DNAH5: variants seen among roughly 807,000 people sequenced by gnomAD.
DNAH5 encodes dynein axonemal heavy chain 5, also known as axonemal beta dynein heavy chain 5.
DNAH5 carries 372 observed loss-of-function variants against 518.2 expected under a neutral mutation model. The observed-to-expected ratio is 0.72, with a 90% CI of 0.66 to 0.78. The LOEUF is 0.78. DNAH5 is among the 30% of genes least tolerant of loss of function. The pLI is 0.00. For missense variants in DNAH5, 5,523 were observed against 5,687.0 expected, an observed-to-expected ratio of 0.97 and a Z score of 0.93; for synonymous variants, 2,039 against 2,025.9, an observed-to-expected ratio of 1.01 and a Z score of -0.17.
At chr5:13,745,940 T>C (rs1395995589) in intron 65 of DNAH5, among the ~76,000 whole-genome samples, 1 of 152,118 alleles carries the variant, frequency 6.6e-6, no homozygotes, top group Non-Finnish European at 1.5e-5. Context: ...TTGGACTGTA[T>C]TTTTTATGAT....
In DNAH5 at chr5:13,862,725, T is replaced by C. The variant is rs1768638629; in HGVS notation, c.4619A>G (p.Lys1540Arg). 1 of 1,613,750 alleles carries C rather than the reference T, an allele frequency of 6.2e-7. No individual in the cohort carries two copies. The highest frequency in any genetic ancestry group is 8.5e-7 in the Non-Finnish European group (1 of 1,179,860). The change falls in exon 29 of 79, where the codon AAA becomes AGA. Residue 1540 changes from lysine to arginine, a missense_variant. Lys to Arg is a conservative substitution (Grantham distance 26). Coordinates refer to ENST00000265104, the MANE Select transcript of DNAH5 (RefSeq NM_001369.3). ...CAGCTTTTGCTCAATGTCTCTCTCT[T>C]TCACCGCACTGATACAGATGTCCTA... ...EIEDICISAV[K>R]ERDIEQKLKQ... is the part of the protein sequence containing the mutation.
At chr5:13,905,637 G>C (rs1775193787) in intron 12 of DNAH5, among the ~76,000 whole-genome samples, 1 of 152,104 alleles carries the variant, frequency 6.6e-6, no homozygotes, top group African/African-American at 2.4e-5. Flanking sequence ...GTGAGGATGT[G>C]GAGCAACAAG....
chr5:13,715,149 G>A (rs1355848308), intron 74 of DNAH5, among the ~76,000 whole-genome samples: 1 of 152,124 alleles, frequency 6.6e-6, no homozygotes, highest in African/African-American at 2.4e-5. Context: ...CAGAGACAGA[G>A]ATGGTGTGGG....
chr5:13,993,469 A>ACCCCAC (rs1783706731), intron 1 of DNAH5, among the ~76,000 whole-genome samples: 1 of 152,256 alleles, frequency 6.6e-6, no homozygotes, highest in South Asian at 2.1e-4. Flanking sequence ...AAAAACTCAT[A>ACCCCAC]TATTCTACCC....
chr5:13,982,545 T>C (rs1782754013), intron 1 of DNAH5, among the ~76,000 whole-genome samples: 1 of 137,698 alleles, frequency 7.3e-6, no homozygotes, highest in Admixed American at 7.3e-5. Flanking sequence ...AGTAGACATA[T>C]GCATTATTGC....
intron 65 of DNAH5, among the ~76,000 whole-genome samples, chr5:13,749,282 C>T (rs1490222460): frequency 3.9e-5 from 6 of 152,030 alleles, no homozygotes; most frequent in Non-Finnish European, 7.4e-5. Context: ...TCTGGCTGAT[C>T]ATTTTGTAAG....
At chr5:13,756,335 C>A (rs998169605) in intron 61 of DNAH5, among the ~76,000 whole-genome samples, 3 of 129,582 alleles carry the variant, frequency 2.3e-5, no homozygotes, top group Non-Finnish European at 5.1e-5. Context: ...TGTAGGTATG[C>A]CCAGATTTTT....
rs1285025655 is a variant in DNAH5, at chr5:13,879,424, A to T, written c.3263-2607T>A. On this transcript the variant is annotated intron_variant, in intron 21 of 78. Coordinates refer to ENST00000265104, the MANE Select transcript of DNAH5 (RefSeq NM_001369.3). ...AAGTTAAAAATCTGTAAGTCAAACTATTCTAAGTACAGATGCTCTTTGACT... is the reference window on the plus strand; with the variant it reads ...AAGTTAAAAATCTGTAAGTCAAACTTTTCTAAGTACAGATGCTCTTTGACT... Among the ~76,000 whole-genome samples, 2 of 152,170 alleles carry T rather than the reference A, an allele frequency of 1.3e-5. 1 individual carries two copies. Among genetic ancestry groups the T allele is most frequent in the East Asian group, 3.8e-4 (2 of 5,196 alleles).
chr5:13,905,606 T>C (rs1195997747), intron 12 of DNAH5, among the ~76,000 whole-genome samples: 2 of 152,202 alleles, frequency 1.3e-5, no homozygotes, highest in Non-Finnish European at 2.9e-5. Flanking sequence ...AAATCTAGAA[T>C]GCTGGAAACA....
intron 39 of DNAH5, 75 bp from the exon 40 acceptor site, chr5:13,823,445 C>A: frequency 1.1e-6 from 1 of 933,910 alleles, no homozygotes; most frequent in Admixed American, 1.7e-5. Flanking sequence ...ACTGGAAATG[C>A]CCAACACAGT....
At chr5:13,934,973 G>A (rs910769452) in intron 1 of DNAH5, among the ~76,000 whole-genome samples, 5 of 152,210 alleles carry the variant, frequency 3.3e-5, no homozygotes, top group African/African-American at 9.6e-5. Flanking sequence ...CTGGCAGGGA[G>A]AAATAAAAGA....
Position 13,919,310 on chromosome 5 carries a change from C to T in DNAH5, c.841G>A (p.Val281Ile), listed in dbSNP as rs548585661. ...NNQLLKEADDVGPRAELEHWK... is the reference protein window; with the variant it reads ...NNQLLKEADDIGPRAELEHWK... Reference sequence around the variant, plus strand: ...TGCTCCAGCTCCGCTCGTGGCCCAACGTCATCCGCTTCCTTCAGCAGCTGA... The same window carrying T: ...TGCTCCAGCTCCGCTCGTGGCCCAATGTCATCCGCTTCCTTCAGCAGCTGA... Residue 281 changes from valine (V) to isoleucine (I), a missense_variant, in exon 7 of 79, where the codon GTT becomes ATT. By Grantham distance (29) the Val-to-Ile change is conservative. This residue lies in a region of DNAH5 where 5,121 missense variants were observed against 5,223.3 expected (regional missense o/e 0.98). Coordinates refer to ENST00000265104, the MANE Select transcript of DNAH5 (RefSeq NM_001369.3). The T allele has an allele frequency of 5.0e-6, 8 of 1,614,156 alleles. 1 individual carries two copies. In the South Asian group the frequency reaches 7.7e-5, roughly 16 times the overall value.
Position 13,718,868 on chromosome 5 carries a change from A to G in DNAH5, c.12499+14T>C, listed in dbSNP as rs372193305. ...AGGAAACTCCTGTAGACTCGCAAGT[A>G]TTTCTGGACTCACCACTATATGTTC... is the stretch of plus-strand genomic sequence containing the variant. On this transcript the variant is annotated intron_variant, in intron 72 of 78. Transcript: ENST00000265104. 6.3e-7 allele frequency: 1 copy of G among 1,599,738 alleles called. No homozygotes were observed. Among genetic ancestry groups the G allele is most frequent in the African/African-American group, 1.3e-5 (1 of 74,586 alleles).
At chr5:13,726,763 G>A (rs936298476) in intron 70 of DNAH5, among the ~76,000 whole-genome samples, 5 of 152,130 alleles carry the variant, frequency 3.3e-5, no homozygotes. Context: ...CACTCCCTCT[G>A]GAGAATGAAG....
At chr5:13,881,755 T>TA (rs1429200837) in intron 21 of DNAH5, among the ~76,000 whole-genome samples, 1 of 151,598 alleles carries the variant, frequency 6.6e-6, no homozygotes, top group Non-Finnish European at 1.5e-5. Flanking sequence ...ATACATAACC[T>TA]AAAATTACAA....
chr5:13,764,402 A>T (rs1173967979), intron 59 of DNAH5, among the ~76,000 whole-genome samples: 1 of 152,176 alleles, frequency 6.6e-6, no homozygotes, highest in Non-Finnish European at 1.5e-5. Flanking sequence ...AAATTCTACA[A>T]AGTAATAAAA....
Position 13,919,241 on chromosome 5 carries a change from A to AT in DNAH5, c.909dup (p.Leu304IlefsTer33). The AT allele has an allele frequency of 6.2e-7, 1 of 1,614,100 alleles. No individual in the cohort carries two copies. The highest frequency in any genetic ancestry group is 8.5e-7 in the Non-Finnish European group (1 of 1,180,012). On this transcript the variant is annotated frameshift_variant, in exon 7 of 79. Coordinates refer to ENST00000265104, the MANE Select transcript of DNAH5 (RefSeq NM_001369.3). LOFTEE classifies it high-confidence loss of function. ...ACAGCCTTCACATCCGGGCTTTTCA[A>AT]TTGTTCCAAAAGGTAGTTAAACTTG...
At chr5:13,973,686 G>A (rs1782029638) in intron 1 of DNAH5, among the ~76,000 whole-genome samples, 1 of 150,678 alleles carries the variant, frequency 6.6e-6, no homozygotes, top group Non-Finnish European at 1.5e-5. Context: ...TATACATTGT[G>A]CAAGTTGTCA....
intron 35 of DNAH5, among the ~76,000 whole-genome samples, chr5:13,836,790 G>T (rs547166262): frequency 2.0e-5 from 3 of 152,318 alleles, no homozygotes; most frequent in African/African-American, 7.2e-5. Flanking sequence ...AATTATGTTG[G>T]ATAATAAAGT....
Sources: allele counts gnomAD v4.1 joint callset (sites outside exome capture counted in the v4.1 genomes callset), GRCh38; gene constraint gnomAD v4.1.1; regional missense constraint gnomAD v4.1.1; transcripts MANE v1.5; gene names NCBI Gene and HGNC (gene_info 2026-07-23, HGNC 2026-07-21).